The following FUT8 variants were observed in gnomAD, a reference collection of about 807,000 sequenced individuals.
FUT8 encodes the protein fucosyltransferase 8, also known as alpha-(1,6)-fucosyltransferase.
Under a neutral mutation model 71.3 loss-of-function variants are expected in FUT8, and 29 were observed. The observed-to-expected ratio is 0.41, with a 90% confidence interval of 0.30 to 0.55. FUT8 has a LOEUF of 0.55. FUT8 is among the 20% of genes least tolerant of loss of function. The probability of loss-of-function intolerance (pLI) is 0.34; values close to 1 mark genes in which losing one functional copy is unlikely to be tolerated. For synonymous variants in FUT8, 254 were observed against 239.3 expected, an observed-to-expected ratio of 1.06 and a Z score of -0.57; for missense variants, 544 against 702.1, an observed-to-expected ratio of 0.77 and a Z score of 2.55.
At chr14:65,640,776 T>C (rs2140296227) in intron 6 of FUT8, among the ~76,000 whole-genome samples, 1 of 152,274 alleles carries the variant, frequency 6.6e-6, no homozygotes, top group Admixed American at 6.5e-5. Context: ...TTTGATTCTG[T>C]GCTATACTCC....
intron 1 of FUT8, among the ~76,000 whole-genome samples, chr14:65,451,606 C>T (rs1008015865): frequency 2.6e-5 from 4 of 152,202 alleles, no homozygotes; most frequent in East Asian, 3.9e-4. Flanking sequence ...TCTTGTCTGG[C>T]GCCCAGGAAA....
intron 6 of FUT8, among the ~76,000 whole-genome samples, chr14:65,644,312 A>G (rs1319188706): frequency 6.6e-6 from 1 of 151,538 alleles, no homozygotes; most frequent in Non-Finnish European, 1.5e-5. Context: ...TTTTTTTGAG[A>G]CGGAGTCTCA....
chr14:65,361,019 T>C, the FUT8 span, among the ~76,000 whole-genome samples: 1 of 152,214 alleles, frequency 6.6e-6, no homozygotes, highest in Non-Finnish European at 1.5e-5. Context: ...TTCAAGGTGC[T>C]ATACAATCAC....
the FUT8 span, among the ~76,000 whole-genome samples, chr14:65,395,382 G>A: frequency 6.6e-6 from 1 of 152,224 alleles, no homozygotes; most frequent in Non-Finnish European, 1.5e-5. Flanking sequence ...GGTTCTCCAT[G>A]TGGGCCCCTC....
chr14:65,704,852 T>C (rs866669295), intron 7 of FUT8, among the ~76,000 whole-genome samples: 2 of 152,226 alleles, frequency 1.3e-5, no homozygotes, highest in Non-Finnish European at 2.9e-5. Context: ...CACTAAGATA[T>C]TACCTGTTTT....
intron 7 of FUT8, among the ~76,000 whole-genome samples, chr14:65,714,530 G>A (rs566829343): frequency 7.3e-5 from 11 of 151,646 alleles, no homozygotes; most frequent in African/African-American, 2.2e-4. Context: ...CCATCCTCCC[G>A]GTTTGGCCTT....
rs1244471796 is a variant in FUT8 at position 65,508,993 on chromosome 14, T to C, written c.-227-52344T>C. On this transcript the variant is annotated intron_variant, in intron 2 of 10. Transcript: ENST00000673929. ...TTGTGGGGTATTACTTAAGAAATCA[T>C]TGCCCAGACCGATACCCTGGAGAGT... Among the ~76,000 whole-genome samples the C allele has an allele frequency of 2.6e-5, 4 of 152,070 alleles. No individual in the cohort carries two copies. The East Asian group carries it at 7.7e-4, about 29-fold the overall frequency.
At chr14:65,366,765 T>A in the FUT8 span, among the ~76,000 whole-genome samples, 3 of 152,178 alleles carry the variant, frequency 2.0e-5, no homozygotes, top group Non-Finnish European at 4.4e-5. Flanking sequence ...GCTCTGGAGA[T>A]TGAAATTCTT....
At chr14:65,655,403 GA>G in intron 6 of FUT8, among the ~76,000 whole-genome samples, 1 of 151,224 alleles carries the variant, frequency 6.6e-6, no homozygotes, top group African/African-American at 2.4e-5. Context: ...ATGAACCTGG[GA>G]GGCGGAACTT....
At chr14:65,594,154 G>A (rs933471888) in intron 3 of FUT8, among the ~76,000 whole-genome samples, 1 of 152,172 alleles carries the variant, frequency 6.6e-6, no homozygotes, top group Admixed American at 6.5e-5. Context: ...GGGGTGCCTC[G>A]TTTACTCAGC....
At chr14:65,674,680 G>A (rs1892626197) in intron 7 of FUT8, among the ~76,000 whole-genome samples, 1 of 152,172 alleles carries the variant, frequency 6.6e-6, no homozygotes, top group African/African-American at 2.4e-5. Flanking sequence ...GCAGCTACCT[G>A]AAGCCTTCAG....
rs140619448 is a variant in FUT8, at chr14:65,442,581, T to A, written c.-325-13040T>A. 1.6e-4 allele frequency among the ~76,000 whole-genome samples: 23 copies of A among 147,678 alleles called. No individual in the cohort carries two copies. The East Asian group carries it at 4.7e-3, about 30-fold the overall frequency. ...CCGCTGTGGTGGCTCGCACCTGTAA[T>A]CCCAACACTTGGGGAGGCCGAGGCA... is the stretch of plus-strand genomic sequence containing the variant. On this transcript the variant is annotated intron_variant, in intron 1 of 10. Coordinates refer to ENST00000673929, the MANE Select transcript of FUT8 (RefSeq NM_001371533.1).
chr14:65,654,591 CAA>C (rs35652243), intron 6 of FUT8, among the ~76,000 whole-genome samples: 127 of 143,860 alleles, frequency 8.8e-4, no homozygotes, highest in Middle Eastern at 3.5e-3. Flanking sequence ...ATTCTGTCTC[CAA>C]AAAAAAAAAA....
chr14:65,604,795 A>G (rs1296623845), intron 3 of FUT8, among the ~76,000 whole-genome samples: 1 of 151,878 alleles, frequency 6.6e-6, no homozygotes, highest in African/African-American at 2.4e-5. Context: ...AAAACAATAC[A>G]AAAGATAAAT....
intron 2 of FUT8, among the ~76,000 whole-genome samples, chr14:65,475,814 AG>A (rs2066230031): frequency 6.6e-6 from 1 of 151,954 alleles, no homozygotes; most frequent in Admixed American, 6.6e-5. Context: ...TGGGATTTCT[AG>A]GCATATTTGG....
rs899242814 is a variant in FUT8 at position 65,677,503 on chromosome 14, A to G, written c.835+8023A>G. Among the ~76,000 whole-genome samples, 84 of 152,280 alleles carry G rather than the reference A, an allele frequency of 5.5e-4. No homozygotes were observed. In the Middle Eastern group the frequency reaches 0.031, roughly 55 times the overall value. Reference sequence around the variant, plus strand: ...TGGAAGCAAGAAATTGCAACTAGTGATACTATAAGTCATACTGATTTTCCC... The same window carrying G: ...TGGAAGCAAGAAATTGCAACTAGTGGTACTATAAGTCATACTGATTTTCCC... On this transcript the variant is annotated intron_variant, in intron 7 of 10. Coordinates refer to ENST00000673929, the MANE Select transcript of FUT8 (RefSeq NM_001371533.1).
intron 6 of FUT8, among the ~76,000 whole-genome samples, chr14:65,632,017 A>C (rs560358452): frequency 1.3e-5 from 2 of 152,328 alleles, no homozygotes; most frequent in Admixed American, 1.3e-4. Flanking sequence ...AAGTCGCTGC[A>C]AATGTCGTTA....
chr14:65,389,232 T>G, the FUT8 span, among the ~76,000 whole-genome samples: 1 of 151,630 alleles, frequency 6.6e-6, no homozygotes, highest in Non-Finnish European at 1.5e-5. Flanking sequence ...TGAGACAAGG[T>G]CTCATTCTGT....
the FUT8 span, among the ~76,000 whole-genome samples, chr14:65,400,099 G>T: frequency 0.067 from 10,267 of 152,120 alleles, 621 homozygotes; most frequent in South Asian, 0.19. Context: ...TAGAACATTG[G>T]GTTTAGGATT....
Sources: allele counts gnomAD v4.1 joint callset (sites outside exome capture counted in the v4.1 genomes callset), GRCh38; gene constraint gnomAD v4.1.1; transcripts MANE v1.5; gene names NCBI Gene and HGNC (gene_info 2026-07-23, HGNC 2026-07-21).